The following EEF1AKMT2 variants were observed in gnomAD, a reference collection of about 807,000 sequenced individuals.
EEF1AKMT2 encodes the protein EEF1A lysine methyltransferase 2.
Under a neutral mutation model 35.8 loss-of-function variants are expected in EEF1AKMT2, and 32 were observed. The ratio of observed to expected loss-of-function variants is 0.89; its 90% confidence interval spans 0.67 to 1.20. EEF1AKMT2 has a LOEUF of 1.20. Among genes scored for constraint, EEF1AKMT2 ranks in the 50% most tolerant of loss-of-function variants. The pLI, the probability that EEF1AKMT2 is intolerant of heterozygous loss-of-function variation, is 0.00. For missense variants in EEF1AKMT2, 330 were observed against 347.5 expected, an observed-to-expected ratio of 0.95 and a Z score of 0.40; for synonymous variants, 121 against 133.7, an observed-to-expected ratio of 0.91 and a Z score of 0.65.
intron 3 of EEF1AKMT2, among the ~76,000 whole-genome samples, chr10:124,778,277 G>A (rs1950506583): frequency 6.6e-6 from 1 of 152,096 alleles, no homozygotes; most frequent in Non-Finnish European, 1.5e-5. Flanking sequence ...GAAAGGAAAT[G>A]AGAATAGGGC....
intron 3 of EEF1AKMT2, among the ~76,000 whole-genome samples, chr10:124,776,155 T>G (rs2134132666): frequency 6.6e-6 from 1 of 152,248 alleles, no homozygotes; most frequent in African/African-American, 2.4e-5. Flanking sequence ...TCTCCTGACC[T>G]CGTGATCCGC....
At chr10:124,761,736 C>T (rs2134118689) in intron 6 of EEF1AKMT2, among the ~76,000 whole-genome samples, 1 of 152,270 alleles carries the variant, frequency 6.6e-6, no homozygotes, top group Non-Finnish European at 1.5e-5. Context: ...CCAGCCGGGG[C>T]AACATGGCGA....
chr10:124,786,630 T>G (rs1418115090), intron 3 of EEF1AKMT2, among the ~76,000 whole-genome samples: 1 of 151,176 alleles, frequency 6.6e-6, no homozygotes, highest in Non-Finnish European at 1.5e-5. Flanking sequence ...CTGGCCAACA[T>G]AGCAGAACCC....
chr10:124,778,907 A>G (rs1014240331), intron 3 of EEF1AKMT2, among the ~76,000 whole-genome samples: 3 of 152,092 alleles, frequency 2.0e-5, no homozygotes, highest in African/African-American at 7.2e-5. Flanking sequence ...TATAGCAAAA[A>G]CATCCATCAA....
Position 124,789,053 on chromosome 10 carries a change from A to G in EEF1AKMT2, c.281T>C (p.Leu94Pro), listed in dbSNP as rs1950612626. ...LDIGTGNGVF[L>P]VELAKFGFSN... ...ACTAAAAGTACCAACAAGTTCAACC[A>G]GGAAAACACCATTTCCAGTTCCAAT... Residue 94 changes from leucine (L) to proline (P), a missense_variant, in exon 3 of 7, where the codon CTG becomes CCG. Leu to Pro is a moderately conservative substitution (Grantham distance 98). Coordinates refer to ENST00000368836, the MANE Select transcript of EEF1AKMT2 (RefSeq NM_212554.4). 1 of 1,609,584 alleles carries G rather than the reference A, an allele frequency of 6.2e-7. No individual in the cohort carries two copies. The highest frequency in any genetic ancestry group is 1.3e-5 in the African/African-American group (1 of 74,792).
chr10:124,790,415 T>A, intron 1 of EEF1AKMT2, 77 bp from the exon 2 acceptor site: 2 of 1,026,918 alleles, frequency 1.9e-6, no homozygotes, highest in Non-Finnish European at 3.1e-6. Flanking sequence ...TTCTAATACA[T>A]TACAGAGCTA....
At chr10:124,784,480 A>C (rs1950568082) in intron 3 of EEF1AKMT2, among the ~76,000 whole-genome samples, 1 of 152,174 alleles carries the variant, frequency 6.6e-6, no homozygotes, top group East Asian at 1.9e-4. Context: ...GGGATGCAGC[A>C]GTGCTTACTG....
At position 124,771,104 on chromosome 10, in the gene EEF1AKMT2, TC is replaced by T. The variant is rs1168591282; in HGVS notation, c.399+3570del. ...ATCATTTCCAGAAGGTTTTCTTTTT[TC>T]TTTTTTTTTTTTGAGACAGAGTCTT... On this transcript the variant is annotated intron_variant, in intron 4 of 6. Coordinates refer to ENST00000368836, the MANE Select transcript of EEF1AKMT2 (RefSeq NM_212554.4). Among the ~76,000 whole-genome samples the T allele has an allele frequency of 5.2e-4, 78 of 151,276 alleles. 1 individual carries two copies. The highest frequency in any genetic ancestry group is 2.6e-4 in the Non-Finnish European group (18 of 67,972).
Position 124,759,286 on chromosome 10 carries a change from A to C in EEF1AKMT2, c.*1217T>G, listed in dbSNP as rs1220643097. The C allele has an allele frequency of 6.6e-6, 1 of 152,210 alleles. No homozygotes were observed. The highest frequency in any genetic ancestry group is 3.2e-3 in the Middle Eastern group (1 of 316). 9.4% of individuals were successfully genotyped at this position (152,210 alleles called of 1,614,324 possible). A position where few individuals can be genotyped will look rare whatever the true frequency, so the allele number is the denominator to read the frequency against. ...GAACATCTTTGTGCATGTATCGCTG[A>C]GGGCTTATATAACTTACACTACCCT... On this transcript the variant is annotated 3_prime_UTR_variant, in exon 7 of 7. Coordinates refer to ENST00000368836, the MANE Select transcript of EEF1AKMT2 (RefSeq NM_212554.4).
chr10:124,785,077 T>A (rs1213380802), intron 3 of EEF1AKMT2, among the ~76,000 whole-genome samples: 3 of 151,000 alleles, frequency 2.0e-5, no homozygotes, highest in Admixed American at 6.6e-5. Flanking sequence ...TGAAAGCCCA[T>A]CTCTACTAAA....
chr10:124,764,115 A>C (rs961888636), intron 5 of EEF1AKMT2, among the ~76,000 whole-genome samples: 1 of 152,040 alleles, frequency 6.6e-6, no homozygotes, highest in Non-Finnish European at 1.5e-5. Context: ...AAGAAAACAA[A>C]CTCTAAAATA....
Position 124,765,514 on chromosome 10 carries a change from T to A in EEF1AKMT2, c.494A>T (p.Asn165Ile). The change falls in exon 5 of 7, where the codon AAT becomes ATT. Residue 165 changes from asparagine (N) to isoleucine (I), a missense_variant. Coordinates refer to ENST00000368836, the MANE Select transcript of EEF1AKMT2 (RefSeq NM_212554.4). ...ATATTGCTTCCTCTTCTCAATTGCA[T>A]TGTCAGGATTAAGGCTTATGGCATC... ...TFDAISLNPD[N>I]AIEKRKQYVK... 1.2e-6 allele frequency: 2 copies of A among 1,613,990 alleles called. No homozygotes were observed. Among genetic ancestry groups the A allele is most frequent in the East Asian group, 4.5e-5 (2 of 44,830 alleles).
chr10:124,776,708 T>TGG (rs1950490409), intron 3 of EEF1AKMT2, among the ~76,000 whole-genome samples: 8 of 151,920 alleles, frequency 5.3e-5, no homozygotes, highest in Admixed American at 4.6e-4. Flanking sequence ...GGCAGGAGAA[T>TGG]TGCTTGAACC....
intron 6 of EEF1AKMT2, among the ~76,000 whole-genome samples, chr10:124,760,726 A>T (rs1447920152): frequency 6.6e-6 from 1 of 152,238 alleles, no homozygotes; most frequent in Non-Finnish European, 1.5e-5. Flanking sequence ...AAAAGACAAG[A>T]CCAAAAACAA....
At chr10:124,764,715 T>C (rs1950362234) in intron 5 of EEF1AKMT2, among the ~76,000 whole-genome samples, 1 of 152,228 alleles carries the variant, frequency 6.6e-6, no homozygotes, top group East Asian at 1.9e-4. Context: ...ACAGCTAAAG[T>C]ATCTATAATA....
chr10:124,778,045 G>A (rs1313201438), intron 3 of EEF1AKMT2, among the ~76,000 whole-genome samples: 2 of 151,868 alleles, frequency 1.3e-5, no homozygotes, highest in African/African-American at 4.8e-5. Flanking sequence ...CACAAAATTA[G>A]CCAGGCGTGG....
chr10:124,770,589 A>C (rs1231484948), intron 4 of EEF1AKMT2, among the ~76,000 whole-genome samples: 1 of 152,224 alleles, frequency 6.6e-6, no homozygotes, highest in African/African-American at 2.4e-5. Context: ...TCCTAAAATA[A>C]GACAGTAATA....
At position 124,760,215 on chromosome 10, in the gene EEF1AKMT2, T is replaced by A; in HGVS notation, c.*288A>T. The A allele has an allele frequency of 4.8e-6, 2 of 415,376 alleles. No homozygotes were observed. The highest frequency in any genetic ancestry group is 8.5e-6 in the Non-Finnish European group (2 of 234,470). 25.7% of individuals were successfully genotyped at this position (415,376 alleles called of 1,614,324 possible). On this transcript the variant is annotated 3_prime_UTR_variant, in exon 7 of 7. Transcript: ENST00000368836. The stretch of plus-strand genomic sequence containing the variant: ...AAATACAAAAGAAAATTAAAATTAT[T>A]CTTGATTGATCTCTAAAACCCAACC...
In EEF1AKMT2 at chr10:124,767,523, A is replaced by AAAAAG. The variant is rs1023934130; in HGVS notation, c.400-1920_400-1916dup. ...CGAGACACTGCCTCAAAAAAAAAAAAAAAAGAAAAGAAAAGAAAAGAAAGA... is the reference window on the plus strand; with the variant it reads ...CGAGACACTGCCTCAAAAAAAAAAAAAAAAGAAAAGAAAAGAAAAGAAAAGAAAGA... On this transcript the variant is annotated intron_variant, in intron 4 of 6. Transcript: ENST00000368836. Among the ~76,000 whole-genome samples the AAAAAG allele has an allele frequency of 3.3e-4, 50 of 151,640 alleles. No individual in the cohort carries two copies. In the East Asian group the frequency reaches 5.8e-3, roughly 18 times the overall value.
Sources: gnomAD v4.1 joint callset for allele counts (sites outside exome capture counted in the v4.1 genomes callset) on GRCh38, gnomAD v4.1.1 for gene constraint, MANE v1.5 for transcripts, NCBI Gene and HGNC (gene_info 2026-07-23, HGNC 2026-07-21) for gene names.